Variants in ZNF257 observed in about 807,000 individuals in gnomAD.
The protein encoded by ZNF257 is zinc finger protein 257.
In ZNF257, 12 loss-of-function variants were observed where a neutral mutation model predicts 11.9. The ratio of observed to expected loss-of-function variants is 1.01; its 90% CI spans 0.65 to 1.63. The LOEUF is 1.63. Among genes scored for constraint, ZNF257 ranks in the 40% most tolerant of loss-of-function variants. The pLI, the probability that ZNF257 is intolerant of heterozygous loss-of-function variation, is 0.00. For synonymous variants in ZNF257, 183 were observed against 222.7 expected, an observed-to-expected ratio of 0.82 and a Z score of 1.59; for missense variants, 580 against 665.5, an observed-to-expected ratio of 0.87 and a Z score of 1.41.
chr19:22,089,297 A>C lies in ZNF257; in HGVS notation c.1547A>C (p.Lys516Thr). 18 of 1,613,880 alleles carry C rather than the reference A, an allele frequency of 1.1e-5. No homozygotes were observed. The highest frequency in any genetic ancestry group is 1.4e-5 in the Non-Finnish European group (17 of 1,179,912). The change falls in exon 4 of 4, where the codon AAA (lysine) becomes ACA (threonine). Residue 516 changes from lysine to threonine, a missense_variant. Coordinates refer to ENST00000594947, the MANE Select transcript of ZNF257 (RefSeq NM_033468.4). ...ATTCATACTGGAGAGAAACCCTACA[A>C]ATGTGAAGAATGTGGCAAGCCTTTT... is the stretch of plus-strand genomic sequence containing the variant. Reference protein sequence around the residue: ...KIIHTGEKPYKCEECGKPFNR... With the variant: ...KIIHTGEKPYTCEECGKPFNR...
chr19:22,066,864 G>A (rs1216040414), intron 1 of ZNF257, among the ~76,000 whole-genome samples: 1 of 150,150 alleles, frequency 6.7e-6, no homozygotes, highest in African/African-American at 2.5e-5. Flanking sequence ...TGCAGTCTTT[G>A]AGCAGATTGA....
intron 1 of ZNF257, among the ~76,000 whole-genome samples, chr19:22,058,512 C>T (rs547759230): frequency 9.2e-5 from 14 of 152,254 alleles, no homozygotes; most frequent in African/African-American, 3.1e-4. Context: ...AGCCCTGAAT[C>T]AGGGTCTGTG....
At chr19:22,064,749 T>C (rs1212013677) in intron 1 of ZNF257, among the ~76,000 whole-genome samples, 1 of 152,118 alleles carries the variant, frequency 6.6e-6, no homozygotes, top group Non-Finnish European at 1.5e-5. Flanking sequence ...GCAACCTGCG[T>C]TTATATACTT....
At position 22,089,607 on chromosome 19, in the gene ZNF257, G is replaced by T; in HGVS notation, c.*165G>T. 1 of 1,436,158 alleles carries T rather than the reference G, an allele frequency of 7.0e-7. No homozygotes were observed. Among genetic ancestry groups the T allele is most frequent in the Non-Finnish European group, 9.1e-7 (1 of 1,096,364 alleles). The allele number at this position is 1,436,158 out of a possible 1,614,324, so 89.0% of individuals were successfully genotyped here. A position where few individuals can be genotyped will look rare whatever the true frequency, so the allele number is the denominator to read the frequency against. On this transcript the variant is annotated 3_prime_UTR_variant, in exon 4 of 4. Transcript: ENST00000594947. ...ATTTACTAAGCATAAAATAATTCATGCTGGAGAGAAACTCTTGAAATGTGA... is the reference window on the plus strand; with the variant it reads ...ATTTACTAAGCATAAAATAATTCATTCTGGAGAGAAACTCTTGAAATGTGA...
chr19:22,089,335 T>C lies in ZNF257; in HGVS notation c.1585T>C (p.Tyr529His). 2 of 1,613,136 alleles carry C rather than the reference T, an allele frequency of 1.2e-6. No individual in the cohort carries two copies. The highest frequency in any genetic ancestry group is 1.7e-6 in the Non-Finnish European group (2 of 1,179,670). The change falls in exon 4 of 4, where the codon TAC becomes CAC. Residue 529 changes from tyrosine to histidine, a missense_variant. By Grantham distance (83) the Tyr-to-His change is moderately conservative. Transcript: ENST00000594947. ...TGGCAAGCCTTTTAATCGTTTCTCA[T>C]ACCTTACCGTACATAAGAGAATTCA... ...ECGKPFNRFS[Y>H]LTVHKRIHAG...
intron 3 of ZNF257, among the ~76,000 whole-genome samples, chr19:22,081,525 A>G (rs751604167): frequency 6.6e-5 from 10 of 151,784 alleles, no homozygotes; most frequent in Non-Finnish European, 1.3e-4. Context: ...TTTAAATATA[A>G]TTTATTTAAT....
chr19:22,086,042 A>G (rs1439285371), intron 3 of ZNF257, among the ~76,000 whole-genome samples: 1 of 152,046 alleles, frequency 6.6e-6, no homozygotes, highest in Non-Finnish European at 1.5e-5. Context: ...AATTATACCT[A>G]TATGTAAGTA....
At chr19:22,054,105 C>T (rs1431223236) in intron 1 of ZNF257, among the ~76,000 whole-genome samples, 1 of 149,140 alleles carries the variant, frequency 6.7e-6, no homozygotes, top group Non-Finnish European at 1.5e-5. Context: ...AGGAGTTTCA[C>T]TCTGTCACCC....
chr19:22,089,299 T>A lies in ZNF257; in HGVS notation c.1549T>A (p.Cys517Ser), dbSNP rs148612115. Residue 517 changes from cysteine to serine, a missense_variant, in exon 4 of 4, where the codon TGT becomes AGT. Physicochemically the swap from Cys to Ser is moderately radical, Grantham distance 112. Coordinates refer to ENST00000594947, the MANE Select transcript of ZNF257 (RefSeq NM_033468.4). Reference sequence around the variant, plus strand: ...TCATACTGGAGAGAAACCCTACAAATGTGAAGAATGTGGCAAGCCTTTTAA... The same window carrying A: ...TCATACTGGAGAGAAACCCTACAAAAGTGAAGAATGTGGCAAGCCTTTTAA... ...IIHTGEKPYK[C>S]EECGKPFNRF... is the part of the protein sequence containing the mutation. The A allele has an allele frequency of 6.2e-7, 1 of 1,613,878 alleles. No homozygotes were observed. Among genetic ancestry groups the A allele is most frequent in the Admixed American group, 1.7e-5 (1 of 60,004 alleles).
chr19:22,066,344 G>C (rs1027558076), intron 1 of ZNF257: 4 of 155,262 alleles, frequency 2.6e-5, no homozygotes, highest in African/African-American at 9.6e-5. Context: ...TGAAGGTGCA[G>C]TTCTACCCAG....
Position 22,072,820 on chromosome 19 carries a change from A to G in ZNF257, c.15A>G (p.Thr5=). 6.2e-7 allele frequency: 1 copy of G among 1,611,760 alleles called. No individual in the cohort carries two copies. The highest frequency in any genetic ancestry group is 2.2e-5 in the East Asian group (1 of 44,822). ...TGTGTGTTTTTCAGGGACCACTGAC[A>G]ATTAGGGATGTGACTGTAGAATTCT... MGPL[T]IRDVTVEFSL... is the part of the protein sequence containing the mutation. The change falls in exon 2 of 4, where the codon ACA becomes ACG. Residue 5 remains threonine, a synonymous_variant. Coordinates refer to ENST00000594947, the MANE Select transcript of ZNF257 (RefSeq NM_033468.4).
Position 22,088,149 on chromosome 19 carries a change from T to C in ZNF257, c.399T>C (p.Leu133=). 6.2e-7 allele frequency: 1 copy of C among 1,609,364 alleles called. No individual in the cohort carries two copies. The highest frequency in any genetic ancestry group is 1.1e-5 in the South Asian group (1 of 90,610). Residue 133 remains leucine (L), a synonymous_variant, in exon 4 of 4, where the codon CTT becomes CTC. Coordinates refer to ENST00000594947, the MANE Select transcript of ZNF257 (RefSeq NM_033468.4). Reference sequence around the variant, plus strand: ...TGTGCAAAGGAGGTTATAATGGACTTAACCAATGTCTGATAACTACCCAGA... The same window carrying C: ...TGTGCAAAGGAGGTTATAATGGACTCAACCAATGTCTGATAACTACCCAGA... The part of the protein sequence containing the change: ...CKVCKGGYNG[L]NQCLITTQSK...
Position 22,088,059 on chromosome 19 carries a change from T to A in ZNF257, c.309T>A (p.Tyr103Ter), listed in dbSNP as rs1372591262. 1.9e-6 allele frequency: 3 copies of A among 1,604,616 alleles called. No individual in the cohort carries two copies. In the East Asian group the frequency reaches 6.7e-5, roughly 36 times the overall value. The change falls in exon 4 of 4, where the codon TAT (tyrosine) becomes TAA (stop). Residue 103 changes from tyrosine (Y) to a stop codon, truncating the protein, a stop_gained. Transcript: ENST00000594947. LOFTEE classifies it low-confidence loss of function (END_TRUNC). Reference sequence around the variant, plus strand: ...TCCAAAAAGTCATACTGAGGAGATATGATAAATGTGAACATGAGAATTTAC... The same window carrying A: ...TCCAAAAAGTCATACTGAGGAGATAAGATAAATGTGAACATGAGAATTTAC... ...YFFQKVILRRYDKCEHENLQL... is the reference protein window; with the variant it reads ...YFFQKVILRR
intron 1 of ZNF257, among the ~76,000 whole-genome samples, chr19:22,059,643 C>CT (rs58613357): frequency 0.4 from 54,392 of 135,856 alleles, 11,056 homozygotes; most frequent in South Asian, 0.61. Flanking sequence ...TGTTTCTTTT[C>CT]TTTTTTTTTT....
intron 1 of ZNF257, among the ~76,000 whole-genome samples, chr19:22,055,442 G>T (rs1455771961): frequency 6.6e-6 from 1 of 152,096 alleles, no homozygotes; most frequent in Non-Finnish European, 1.5e-5. Flanking sequence ...CTGACCTCTG[G>T]TGATCCACTC....
At chr19:22,065,590 A>C (rs1434836886) in intron 1 of ZNF257, among the ~76,000 whole-genome samples, 4 of 151,964 alleles carry the variant, frequency 2.6e-5, no homozygotes, top group Non-Finnish European at 5.9e-5. Flanking sequence ...TGTTCAAAAA[A>C]TTTACTACAA....
At chr19:22,078,906 C>T (rs2145710598) in intron 3 of ZNF257, among the ~76,000 whole-genome samples, 1 of 151,756 alleles carries the variant, frequency 6.6e-6, no homozygotes, top group Non-Finnish European at 1.5e-5. Flanking sequence ...GATTCTCCTG[C>T]CTCAGCCTCT....
At position 22,083,816 on chromosome 19, in the gene ZNF257, AGTT is replaced by A. The variant is rs543510586; in HGVS notation, c.227-4157_227-4155del. Among the ~76,000 whole-genome samples the A allele has an allele frequency of 5.8e-4, 88 of 152,128 alleles. 1 individual carries two copies. The highest frequency in any genetic ancestry group is 2.1e-3 in the African/African-American group (85 of 41,452). ...AAATATCATCAAGATTTATCTGTGT[AGTT>A]GTTAGAATATTTTCTGCTTTTTGAA... On this transcript the variant is annotated intron_variant, in intron 3 of 3. Coordinates refer to ENST00000594947, the MANE Select transcript of ZNF257 (RefSeq NM_033468.4).
At chr19:22,068,086 C>T (rs978092432) in intron 1 of ZNF257, among the ~76,000 whole-genome samples, 3 of 151,330 alleles carry the variant, frequency 2.0e-5, no homozygotes, top group Non-Finnish European at 4.4e-5. Context: ...CACTTTGTTG[C>T]CTTGATCTCT....
Sources: gnomAD v4.1 joint callset for allele counts (sites outside exome capture counted in the v4.1 genomes callset) on GRCh38, gnomAD v4.1.1 for gene constraint, MANE v1.5 for transcripts, NCBI Gene and HGNC (gene_info 2026-07-23, HGNC 2026-07-21) for gene names.